Variants in SVOP observed in about 807,000 individuals in gnomAD.
SVOP encodes the protein synaptic vesicle 2-related protein.
In SVOP, 17 loss-of-function variants were observed where a neutral mutation model predicts 69.1. That is an observed-to-expected ratio of 0.25 (90% confidence interval 0.17 to 0.37). SVOP has a LOEUF of 0.37. Ranked by LOEUF, SVOP falls within the 10% of genes least tolerant of loss-of-function variation. The probability of loss-of-function intolerance (pLI) is 1.00; values close to 1 mark genes in which losing one functional copy is unlikely to be tolerated. For missense variants in SVOP, 435 were observed against 597.5 expected (o/e 0.73, Z 2.84); for synonymous variants, 238 against 238.6 (o/e 1.00, Z 0.02).
intron 1 of SVOP, among the ~76,000 whole-genome samples, chr12:109,009,317 C>A (rs1006612744): frequency 6.6e-6 from 1 of 151,846 alleles, no homozygotes; most frequent in African/African-American, 2.4e-5. Flanking sequence ...CAGAGGGGAC[C>A]CTCTCTGTGT....
intron 1 of SVOP, among the ~76,000 whole-genome samples, chr12:109,007,507 C>A (rs2040315432): frequency 6.6e-6 from 1 of 152,116 alleles, no homozygotes; most frequent in Non-Finnish European, 1.5e-5. Flanking sequence ...GATCTCAACT[C>A]AATATAAAGA....
chr12:109,019,563 G>A (rs1209749052), intron 1 of SVOP, among the ~76,000 whole-genome samples: 1 of 151,984 alleles, frequency 6.6e-6, no homozygotes, highest in African/African-American at 2.4e-5. Flanking sequence ...AATAAAAGTT[G>A]TATGTTTTCC....
At chr12:108,933,042 C>T (rs2039831466) in intron 11 of SVOP, among the ~76,000 whole-genome samples, 1 of 151,988 alleles carries the variant, frequency 6.6e-6, no homozygotes, top group South Asian at 2.1e-4. Context: ...CCGCAACCAG[C>T]TAATTTTTGT....
At chr12:108,925,508 T>C (rs1194869542) in intron 11 of SVOP, among the ~76,000 whole-genome samples, 1 of 152,236 alleles carries the variant, frequency 6.6e-6, no homozygotes, top group Non-Finnish European at 1.5e-5. Context: ...GTCAAAGGGA[T>C]ACTTTTTAAA....
At chr12:108,998,411 C>T (rs900861057) in intron 1 of SVOP, among the ~76,000 whole-genome samples, 106 of 152,162 alleles carry the variant, frequency 7.0e-4, no homozygotes, top group African/African-American at 2.5e-3. Flanking sequence ...AGGAGAACTT[C>T]CCCAATCTAG....
At chr12:108,984,631 G>T (rs1243045768) in intron 1 of SVOP, among the ~76,000 whole-genome samples, 3 of 152,156 alleles carry the variant, frequency 2.0e-5, no homozygotes, top group African/African-American at 7.2e-5. Flanking sequence ...GACCCCATGG[G>T]CCCCACTCTT....
intron 1 of SVOP, among the ~76,000 whole-genome samples, chr12:109,018,368 T>C (rs1204781485): frequency 6.6e-6 from 1 of 152,122 alleles, no homozygotes; most frequent in Non-Finnish European, 1.5e-5. Flanking sequence ...CCTTCAAGTG[T>C]GAGGAAGGAC....
At chr12:108,933,487 G>A (rs997939603) in intron 11 of SVOP, among the ~76,000 whole-genome samples, 1 of 150,400 alleles carries the variant, frequency 6.6e-6, no homozygotes, top group African/African-American at 2.5e-5. Flanking sequence ...AGACCTGCCT[G>A]GCCAACACTG....
chr12:109,020,746 A>G (rs2040391944), intron 1 of SVOP, 88 bp downstream of exon 1: 2 of 428,672 alleles, frequency 4.7e-6, no homozygotes, highest in South Asian at 1.9e-5. Context: ...GAAACCATGC[A>G]GAGATGTACC....
At chr12:109,000,576 A>G (rs2135620543) in intron 1 of SVOP, among the ~76,000 whole-genome samples, 1 of 40,182 alleles carries the variant, frequency 2.5e-5, no homozygotes, top group East Asian at 4.6e-4. Context: ...AATACTGGCA[A>G]AACGAATCCA....
intron 1 of SVOP, among the ~76,000 whole-genome samples, chr12:108,993,299 T>C (rs1268322501): frequency 6.6e-6 from 1 of 150,796 alleles, no homozygotes; most frequent in Non-Finnish European, 1.5e-5. Flanking sequence ...TAAGCCATGG[T>C]GCCCAGCTGC....
intron 1 of SVOP, among the ~76,000 whole-genome samples, chr12:108,997,007 C>T (rs558635524): frequency 1.3e-5 from 2 of 151,096 alleles, no homozygotes; most frequent in African/African-American, 2.4e-5. Flanking sequence ...CCAGCGTGAG[C>T]GACACAGAAG....
chr12:108,975,508 C>G (rs2040101565), intron 4 of SVOP, among the ~76,000 whole-genome samples: 1 of 152,188 alleles, frequency 6.6e-6, no homozygotes, highest in African/African-American at 2.4e-5. Flanking sequence ...CTCTCTAAGC[C>G]TCAGTTTCCT....
intron 12 of SVOP, among the ~76,000 whole-genome samples, chr12:108,920,469 G>A (rs2039741408): frequency 6.6e-6 from 1 of 151,874 alleles, no homozygotes; most frequent in Non-Finnish European, 1.5e-5. Context: ...TACCTCCTCT[G>A]AGCCTCATTT....
intron 11 of SVOP, among the ~76,000 whole-genome samples, chr12:108,933,443 C>G (rs1472640987): frequency 6.6e-6 from 1 of 151,818 alleles, no homozygotes; most frequent in African/African-American, 2.4e-5. Context: ...TTTGGAAGTC[C>G]AAGGCAGTCA....
chr12:108,978,583 C>G lies in SVOP; in HGVS notation c.277G>C (p.Ala93Pro), dbSNP rs2040119329. 1.4e-6 allele frequency: 1 copy of G among 703,596 alleles called. No homozygotes were observed. The highest frequency in any genetic ancestry group is 2.6e-6 in the Non-Finnish European group (1 of 384,846). The allele number at this position is 703,596 out of a possible 1,614,324, so 43.6% of individuals were successfully genotyped here. Residue 93 changes from alanine to proline, a missense_variant, in exon 3 of 16, where the codon GCT becomes CCT. Physicochemically the swap from Ala to Pro is conservative, Grantham distance 27 (BLOSUM62 -1). Coordinates refer to ENST00000610966, the MANE Select transcript of SVOP (RefSeq NM_018711.5). ...TGCCCCCCAGAAATACTTGCCCAAG[C>G]CAAGCCAGTGAGAACAGACAGCTTC... ...QWKLSVLTGL[A>P]WMADAMEMMI... is the part of the protein sequence containing the mutation.
intron 5 of SVOP, among the ~76,000 whole-genome samples, chr12:108,967,934 A>C (rs781542696): frequency 3.3e-5 from 5 of 152,220 alleles, no homozygotes; most frequent in Non-Finnish European, 7.3e-5. Context: ...ATCTCCTCTG[A>C]GGCCCTTCAC....
chr12:108,954,135 A>AG (rs1366447038), intron 6 of SVOP, among the ~76,000 whole-genome samples: 2 of 149,306 alleles, frequency 1.3e-5, no homozygotes, highest in African/African-American at 5.0e-5. Flanking sequence ...AAAAAAAAAA[A>AG]GCTATTTAGT....
intron 6 of SVOP, 25 bp downstream of exon 6, chr12:108,960,898 T>G: frequency 3.3e-6 from 5 of 1,535,380 alleles, no homozygotes; most frequent in Non-Finnish European, 4.4e-6. Context: ...CCTGGCTGCA[T>G]AGCCAGCACT....
Sources: allele counts gnomAD v4.1 joint callset (sites outside exome capture counted in the v4.1 genomes callset), GRCh38; gene constraint gnomAD v4.1.1; transcripts MANE v1.5; gene names NCBI Gene and HGNC (gene_info 2026-07-23, HGNC 2026-07-21).